PGRMC2: variants seen among roughly 807,000 people sequenced by gnomAD.
The protein encoded by PGRMC2 is progesterone receptor membrane component 2.
A neutral mutation model predicts 19.3 loss-of-function variants in PGRMC2; 9 were observed. The observed-to-expected ratio is 0.47, with a 90% CI of 0.28 to 0.81. The LOEUF (loss-of-function observed/expected upper bound fraction) is 0.81, where lower values mean the gene tolerates loss of function less well. PGRMC2 is among the 40% of genes least tolerant of loss of function. The pLI, the probability that PGRMC2 is intolerant of heterozygous loss-of-function variation, is 0.11. For missense variants in PGRMC2, 289 were observed against 297.3 expected, an observed-to-expected ratio of 0.97 and a Z score of 0.21; for synonymous variants, 157 against 124.6, an observed-to-expected ratio of 1.26 and a Z score of -1.73.
At chr4:128,284,341 G>C (rs1385167072) in intron 1 of PGRMC2, among the ~76,000 whole-genome samples, 1 of 152,122 alleles carries the variant, frequency 6.6e-6, no homozygotes, top group African/African-American at 2.4e-5. Flanking sequence ...CTGTAGAGCA[G>C]GAATACTTAC....
chr4:128,282,805 A>G (rs1208042422), intron 1 of PGRMC2, among the ~76,000 whole-genome samples: 3 of 152,356 alleles, frequency 2.0e-5, no homozygotes, highest in South Asian at 4.1e-4. Context: ...TCTGCAAACT[A>G]AAGTGTTAAA....
In PGRMC2 at chr4:128,272,521, GA is replaced by G; in HGVS notation, c.419-5del. On this transcript the variant is annotated splice_region_variant and splice_polypyrimidine_tract_variant and intron_variant, in intron 1 of 2. Transcript: ENST00000296425. The stretch of plus-strand genomic sequence containing the variant: ...GCAAATATTCCATATGGACCCGCTG[GA>G]AAAAAGAAAATAAATTATTTAGATC... 7.6e-7 allele frequency: 1 copy of G among 1,318,728 alleles called. No individual in the cohort carries two copies. Among genetic ancestry groups the G allele is most frequent in the Non-Finnish European group, 9.7e-7 (1 of 1,026,746 alleles). The allele number at this position is 1,318,728 out of a possible 1,614,324, so 81.7% of individuals were successfully genotyped here. A position where few individuals can be genotyped will look rare whatever the true frequency, so the allele number is the denominator to read the frequency against.
chr4:128,281,450 G>T (rs942465957), intron 1 of PGRMC2, among the ~76,000 whole-genome samples: 1 of 151,944 alleles, frequency 6.6e-6, no homozygotes, highest in African/African-American at 2.4e-5. Flanking sequence ...TAAAAGGATA[G>T]AAATAGAATA....
At chr4:128,282,741 G>T (rs752753718) in intron 1 of PGRMC2, among the ~76,000 whole-genome samples, 4 of 152,204 alleles carry the variant, frequency 2.6e-5, no homozygotes, top group Admixed American at 6.5e-5. Flanking sequence ...GAAGAAATAG[G>T]TAAGATTGGG....
chr4:128,284,774 A>T (rs1205168715), intron 1 of PGRMC2, among the ~76,000 whole-genome samples: 1 of 152,252 alleles, frequency 6.6e-6, no homozygotes, highest in African/African-American at 2.4e-5. Context: ...TGAGGATGAA[A>T]ATAAAAATTA....
Position 128,287,759 on chromosome 4 carries a change from C to T in PGRMC2, c.32G>A (p.Gly11Asp). ...GCTCTCGCTGCCACTCCCCAGGGTG[C>T]CTAGCTTCACGTCCCCATCACCAGC... Reference protein sequence around the residue: MAAGDGDVKLGTLGSGSESSN... With the variant: MAAGDGDVKLDTLGSGSESSN... Residue 11 changes from glycine to aspartate, a missense_variant, in exon 1 of 3, where the codon GGC becomes GAC. Gly to Asp is a moderately conservative substitution (Grantham distance 94, BLOSUM62 -1). Transcript: ENST00000296425. 1.4e-6 allele frequency: 2 copies of T among 1,473,942 alleles called. No homozygotes were observed. Among genetic ancestry groups the T allele is most frequent in the Non-Finnish European group, 1.9e-6 (2 of 1,075,402 alleles). The allele number at this position is 1,473,942 out of a possible 1,614,324, so 91.3% of individuals were successfully genotyped here. A position where few individuals can be genotyped will look rare whatever the true frequency, so the allele number is the denominator to read the frequency against.
Position 128,270,916 on chromosome 4 carries a change from ATGT to A in PGRMC2, c.*397_*399del, listed in dbSNP as rs1217853357. The stretch of plus-strand genomic sequence containing the variant: ...CAGTATGTGACACAGGAGTCCCTTG[ATGT>A]TTCTTGAGGAGATCTGTACACTTGA... On this transcript the variant is annotated 3_prime_UTR_variant, in exon 3 of 3. Coordinates refer to ENST00000296425, the MANE Select transcript of PGRMC2 (RefSeq NM_006320.6). The A allele has an allele frequency of 1.9e-5, 3 of 154,568 alleles. No homozygotes were observed. The highest frequency in any genetic ancestry group is 6.5e-5 in the Admixed American group (1 of 15,350). The allele number at this position is 154,568 out of a possible 1,614,324, so 9.6% of individuals were successfully genotyped here. A position where few individuals can be genotyped will look rare whatever the true frequency, so the allele number is the denominator to read the frequency against.
chr4:128,278,860 C>T (rs2110561670), intron 1 of PGRMC2, among the ~76,000 whole-genome samples: 1 of 152,202 alleles, frequency 6.6e-6, no homozygotes. Context: ...GCGGCAAAGG[C>T]TGATTTACTT....
intron 1 of PGRMC2, among the ~76,000 whole-genome samples, chr4:128,282,297 TAC>T (rs528441419): frequency 2.6e-5 from 4 of 152,210 alleles, no homozygotes; most frequent in African/African-American, 2.4e-5. Context: ...ACAGGAGTTA[TAC>T]AGTCATGTCT....
Position 128,271,101 on chromosome 4 carries a change from C to A in PGRMC2, c.*215G>T. 1 of 361,606 alleles carries A rather than the reference C, an allele frequency of 2.8e-6. No individual in the cohort carries two copies. Among genetic ancestry groups the A allele is most frequent in the South Asian group, 1.3e-4 (1 of 7,662 alleles). 22.4% of individuals were successfully genotyped at this position (361,606 alleles called of 1,614,324 possible). ...CTCCTTCTTTTCAGGATGATGAAGCCCCACTAGACATTACAAACAACTGCA... is the reference window on the plus strand; with the variant it reads ...CTCCTTCTTTTCAGGATGATGAAGCACCACTAGACATTACAAACAACTGCA... On this transcript the variant is annotated 3_prime_UTR_variant, in exon 3 of 3. Coordinates refer to ENST00000296425, the MANE Select transcript of PGRMC2 (RefSeq NM_006320.6).
chr4:128,274,537 A>AAAAG lies in PGRMC2; in HGVS notation c.419-2021_419-2020insCTTT, dbSNP rs137964198. Among the ~76,000 whole-genome samples the AAAAG allele has an allele frequency of 1.4e-3, 175 of 128,198 alleles. 16 individuals are homozygous for AAAAG. Among genetic ancestry groups the AAAAG allele is most frequent in the African/African-American group, 2.7e-3 (94 of 34,576 alleles). 84.1% of individuals were successfully genotyped at this position (128,198 alleles called of 152,430 possible). ...AAAGAAAAAAAAAAAAAAAAAAAAAAGGTATTAACCAGTTATGTCTGTGTG... is the reference window on the plus strand; with the variant it reads ...AAAGAAAAAAAAAAAAAAAAAAAAAAAAAGGGTATTAACCAGTTATGTCTGTGTG... On this transcript the variant is annotated intron_variant, in intron 1 of 2. Coordinates refer to ENST00000296425, the MANE Select transcript of PGRMC2 (RefSeq NM_006320.6).
Position 128,283,971 on chromosome 4 carries a change from AT to A in PGRMC2, c.418+3401del, listed in dbSNP as rs1296752114. ...CACCGTGCCTGGCCTTTATTTTTTT[AT>A]TTTTATTTTTTTTTTTTTAGTAGAG... On this transcript the variant is annotated intron_variant, in intron 1 of 2. Coordinates refer to ENST00000296425, the MANE Select transcript of PGRMC2 (RefSeq NM_006320.6). Among the ~76,000 whole-genome samples the A allele has an allele frequency of 2.5e-4, 20 of 79,196 alleles. No individual in the cohort carries two copies. The East Asian group carries it at 5.3e-3, about 21-fold the overall frequency. 52.0% of individuals were successfully genotyped at this position (79,196 alleles called of 152,430 possible).
In PGRMC2 at chr4:128,269,607, T is replaced by TC. The variant is rs1227305835; in HGVS notation, c.*1708dup. On this transcript the variant is annotated 3_prime_UTR_variant, in exon 3 of 3. Transcript: ENST00000296425. The stretch of plus-strand genomic sequence containing the variant: ...TTAGCTTATTGTTGCAGTTAAAAGC[T>TC]CCCCCTTGTTTGATGGCTTCTGCAT... 13 of 152,250 alleles carry TC rather than the reference T, an allele frequency of 8.5e-5. No homozygotes were observed. The highest frequency in any genetic ancestry group is 7.8e-4 in the Admixed American group (12 of 15,298). 9.4% of individuals were successfully genotyped at this position (152,250 alleles called of 1,614,324 possible).
chr4:128,272,627 A>C (rs1301975261), intron 1 of PGRMC2, 110 bp from the exon 2 acceptor site: 6 of 626,062 alleles, frequency 9.6e-6, no homozygotes, highest in Non-Finnish European at 1.4e-5. Flanking sequence ...AAAACCCCTC[A>C]TAATTCACAT....
intron 1 of PGRMC2, among the ~76,000 whole-genome samples, chr4:128,279,855 G>A (rs1404184888): frequency 6.6e-6 from 1 of 152,162 alleles, no homozygotes; most frequent in Non-Finnish European, 1.5e-5. Context: ...GTAGACTGGT[G>A]CTTTGCTGCT....
At position 128,269,308 on chromosome 4, in the gene PGRMC2, C is replaced by T. The variant is rs1400893407; in HGVS notation, c.*2008G>A. The T allele has an allele frequency of 1.3e-5, 2 of 152,152 alleles. No individual in the cohort carries two copies. The highest frequency in any genetic ancestry group is 2.9e-5 in the Non-Finnish European group (2 of 68,026). 9.4% of individuals were successfully genotyped at this position (152,152 alleles called of 1,614,324 possible). A position where few individuals can be genotyped will look rare whatever the true frequency, so the allele number is the denominator to read the frequency against. ...AACACAAATTACTCATTTTTCTTAACAGACCGCATAATTTTTTCTGCATGA... is the reference window on the plus strand; with the variant it reads ...AACACAAATTACTCATTTTTCTTAATAGACCGCATAATTTTTTCTGCATGA... On this transcript the variant is annotated 3_prime_UTR_variant, in exon 3 of 3. Transcript: ENST00000296425.
Position 128,287,701 on chromosome 4 carries a change from G to C in PGRMC2, c.90C>G (p.Asp30Glu), listed in dbSNP as rs756049664. ...CTCCCCCTTCCGCTGCCGCTCCCGC[G>C]TCGCCTGGACTCTCGCTGCCGCCGT... is the stretch of plus-strand genomic sequence containing the variant. ...SNDGGSESPGDAGAAAEGGGW... is the reference protein window; with the variant it reads ...SNDGGSESPGEAGAAAEGGGW... The change falls in exon 1 of 3, where the codon GAC (aspartate) becomes GAG (glutamate). Residue 30 changes from aspartate to glutamate, a missense_variant. Transcript: ENST00000296425. 6 of 1,519,138 alleles carry C rather than the reference G, an allele frequency of 3.9e-6. No individual in the cohort carries two copies. The highest frequency in any genetic ancestry group is 1.2e-5 in the South Asian group (1 of 83,908). The allele number at this position is 1,519,138 out of a possible 1,614,324, so 94.1% of individuals were successfully genotyped here.
intron 1 of PGRMC2, 199 bp from the exon 2 acceptor site, chr4:128,272,716 T>C: frequency 2.6e-6 from 1 of 381,838 alleles, no homozygotes; most frequent in Non-Finnish European, 4.6e-6. Flanking sequence ...ATCTGCCTTT[T>C]GACCCAAGTA....
At chr4:128,276,923 G>C (rs151080349) in intron 1 of PGRMC2, among the ~76,000 whole-genome samples, 75 of 152,198 alleles carry the variant, frequency 4.9e-4, no homozygotes, top group African/African-American at 1.8e-3. Context: ...ATACCAACAA[G>C]AGGCAGGCGG....
Sources: allele counts gnomAD v4.1 joint callset (sites outside exome capture counted in the v4.1 genomes callset), GRCh38; gene constraint gnomAD v4.1.1; transcripts MANE v1.5; gene names NCBI Gene and HGNC (gene_info 2026-07-23, HGNC 2026-07-21).